FBXO34: variants seen among roughly 807,000 people sequenced by gnomAD.
FBXO34 encodes the protein F-box protein 34.
A neutral mutation model predicts 24.5 loss-of-function variants in FBXO34; 12 were observed. That is an observed-to-expected ratio of 0.49 (90% CI 0.31 to 0.79). The LOEUF is 0.79. Among genes scored for constraint, FBXO34 ranks in the 30% least tolerant of loss-of-function variants. The probability of loss-of-function intolerance (pLI) is 0.04; values close to 1 mark genes in which losing one functional copy is unlikely to be tolerated. For synonymous variants in FBXO34, 320 were observed against 311.9 expected, an observed-to-expected ratio of 1.03 and a Z score of -0.27; for missense variants, 823 against 857.7, an observed-to-expected ratio of 0.96 and a Z score of 0.51.
At chr14:55,363,777 CTAT>C (rs778222752), downstream of FBXO34, among the ~76,000 whole-genome samples, 11 of 152,068 alleles carry the variant, frequency 7.2e-5, no homozygotes, top group Non-Finnish European at 1.5e-4. Flanking sequence ...AGCTCAGTAG[CTAT>C]TGTTAATGTG....
chr14:55,420,922 A>G, the FBXO34 span, among the ~76,000 whole-genome samples: 4 of 151,958 alleles, frequency 2.6e-5, no homozygotes, highest in Non-Finnish European at 5.9e-5. Flanking sequence ...TTAGCTGGGC[A>G]TAGTGGCAGG....
chr14:55,316,287 T>G (rs1566552326), intron 1 of FBXO34, among the ~76,000 whole-genome samples: 1 of 152,150 alleles, frequency 6.6e-6, no homozygotes, highest in Non-Finnish European at 1.5e-5. Context: ...TCAGCATTTG[T>G]TAAACAATTC....
rs540610904 is a variant in FBXO34, at chr14:55,286,347, C to A, written c.-11+14810C>A. On this transcript the variant is annotated intron_variant, in intron 1 of 1. Transcript: ENST00000313833. ...ATATCAAGCCTTCATTAATGAACCT[C>A]GGTGTAACTTTTGGCTTTCTCAAGA... Among the ~76,000 whole-genome samples, 17 of 152,256 alleles carry A rather than the reference C, an allele frequency of 1.1e-4. No individual in the cohort carries two copies. The South Asian group carries it at 3.5e-3, about 32-fold the overall frequency.
intron 1 of FBXO34, among the ~76,000 whole-genome samples, chr14:55,345,650 A>G (rs1418666350): frequency 2.0e-5 from 3 of 152,096 alleles, no homozygotes; most frequent in Non-Finnish European, 2.9e-5. Context: ...GGCAGCAACT[A>G]TGTTTTACTC....
the FBXO34 span, among the ~76,000 whole-genome samples, chr14:55,419,869 A>C: frequency 6.6e-6 from 1 of 152,192 alleles, no homozygotes; most frequent in South Asian, 2.1e-4. Flanking sequence ...TAATTGCAAC[A>C]CTTTACATTT....
chr14:55,322,847 T>A (rs916252279), intron 1 of FBXO34, among the ~76,000 whole-genome samples: 2 of 151,848 alleles, frequency 1.3e-5, no homozygotes, highest in Non-Finnish European at 2.9e-5. Flanking sequence ...TTTTACATTT[T>A]ACTCAGTGTG....
At chr14:55,380,876 T>TA in the FBXO34 span, among the ~76,000 whole-genome samples, 2,288 of 84,116 alleles carry the variant, frequency 0.027, 55 homozygotes, top group African/African-American at 0.11. Context: ...TATATATATA[T>TA]TTTTTTTTTT....
chr14:55,417,997 T>C, the FBXO34 span, among the ~76,000 whole-genome samples: 2 of 152,208 alleles, frequency 1.3e-5, no homozygotes, highest in Non-Finnish European at 2.9e-5. Flanking sequence ...AACCTTCTTG[T>C]AGAGTTGTGA....
intron 1 of FBXO34, among the ~76,000 whole-genome samples, chr14:55,331,741 GTGTGTATA>G (rs1173481229): frequency 1.3e-4 from 5 of 38,402 alleles, no homozygotes; most frequent in African/African-American, 1.1e-3. Context: ...ATATATATAT[GTGTGTATA>G]TATATATATA....
chr14:55,319,131 G>A (rs1272623444), intron 1 of FBXO34, among the ~76,000 whole-genome samples: 1 of 152,176 alleles, frequency 6.6e-6, no homozygotes, highest in Non-Finnish European at 1.5e-5. Context: ...ATGTGGGTCT[G>A]TTAGGCACTT....
chr14:55,382,193 T>C, the FBXO34 span: 1 of 1,613,946 alleles, frequency 6.2e-7, no homozygotes, highest in Non-Finnish European at 8.5e-7. Context: ...GCGGGGTCTC[T>C]ACAAGTAGGA....
Position 55,350,508 on chromosome 14 carries a change from G to A in FBXO34, c.118G>A (p.Ala40Thr), listed in dbSNP as rs757009238. 1.2e-6 allele frequency: 2 copies of A among 1,613,914 alleles called. No individual in the cohort carries two copies. Among genetic ancestry groups the A allele is most frequent in the Non-Finnish European group, 1.7e-6 (2 of 1,179,990 alleles). ...QKAVNDETCK[A>T]SHITSSVFPS... ...GGCTGTAAATGATGAAACATGCAAA[G>A]CTAGCCACATAACATCAAGTGTCTT... The change falls in exon 2 of 2, where the codon GCT becomes ACT. Residue 40 changes from alanine (A) to threonine (T), a missense_variant. Ala to Thr is a moderately conservative substitution (Grantham distance 58). Around this residue, in one of 2 missense-constraint regions of FBXO34, gnomAD observed 693 missense variants for 659.1 expected, o/e 1.05. Coordinates refer to ENST00000313833, the MANE Select transcript of FBXO34 (RefSeq NM_017943.4).
chr14:55,304,492 A>G (rs1217718060), intron 1 of FBXO34, among the ~76,000 whole-genome samples: 1 of 150,838 alleles, frequency 6.6e-6, no homozygotes, highest in East Asian at 2.0e-4. Flanking sequence ...GCAGCCAGCC[A>G]GTCCCTCACC....
At chr14:55,442,977 C>T in the FBXO34 span, among the ~76,000 whole-genome samples, 1 of 152,178 alleles carries the variant, frequency 6.6e-6, no homozygotes, top group African/African-American at 2.4e-5. Flanking sequence ...GAGAAACCAG[C>T]CCTGCTGACA....
At chr14:55,292,742 T>A (rs957796754) in intron 1 of FBXO34, among the ~76,000 whole-genome samples, 5 of 152,174 alleles carry the variant, frequency 3.3e-5, no homozygotes, top group African/African-American at 9.7e-5. Context: ...AAGTCTTAGA[T>A]AGCAGAGACC....
At chr14:55,276,447 A>G (rs942065668) in intron 1 of FBXO34, among the ~76,000 whole-genome samples, 1 of 152,156 alleles carries the variant, frequency 6.6e-6, no homozygotes, top group Non-Finnish European at 1.5e-5. Context: ...TTACACCTAG[A>G]CATTTCCCCA....
chr14:55,429,364 TG>T, the FBXO34 span, among the ~76,000 whole-genome samples: 1 of 152,196 alleles, frequency 6.6e-6, no homozygotes, highest in Non-Finnish European at 1.5e-5. Context: ...GCAGAAACTC[TG>T]GGGGTGGGGC....
chr14:55,292,070 T>G (rs1378498019), intron 1 of FBXO34, among the ~76,000 whole-genome samples: 1 of 152,204 alleles, frequency 6.6e-6, no homozygotes, highest in African/African-American at 2.4e-5. Flanking sequence ...AGAAACATAT[T>G]TTTAACTGAT....
At chr14:55,369,441 A>C, downstream of FBXO34, 3 of 548,248 alleles carry the variant, frequency 5.5e-6, no homozygotes, top group Non-Finnish European at 8.8e-6. Flanking sequence ...GTTGGTCACC[A>C]TCACAGGCCA....
Sources: gnomAD v4.1 joint callset for allele counts (sites outside exome capture counted in the v4.1 genomes callset) on GRCh38, gnomAD v4.1.1 for gene constraint, gnomAD v4.1.1 regional missense constraint, MANE v1.5 for transcripts, NCBI Gene and HGNC (gene_info 2026-07-23, HGNC 2026-07-21) for gene names.